RNF19B: variants seen among roughly 807,000 people sequenced by gnomAD.
The protein encoded by RNF19B is E3 ubiquitin-protein ligase RNF19B.
Under a neutral mutation model 65.5 loss-of-function variants are expected in RNF19B, and 23 were observed. The ratio of observed to expected loss-of-function variants is 0.35; its 90% CI spans 0.25 to 0.50. The LOEUF is 0.50. Ranked by LOEUF, RNF19B falls within the 20% of genes least tolerant of loss-of-function variation. The probability of loss-of-function intolerance (pLI) is 0.98; values close to 1 mark genes in which losing one functional copy is unlikely to be tolerated. For synonymous variants in RNF19B, 372 were observed against 379.6 expected, an observed-to-expected ratio of 0.98 and a Z score of 0.23; for missense variants, 794 against 980.0, an observed-to-expected ratio of 0.81 and a Z score of 2.53.
At position 32,948,371 on chromosome 1, in the gene RNF19B, G is replaced by C; in HGVS notation, c.842-8C>G. 2 of 1,610,854 alleles carry C rather than the reference G, an allele frequency of 1.2e-6. No homozygotes were observed. Among genetic ancestry groups the C allele is most frequent in the Non-Finnish European group, 1.7e-6 (2 of 1,177,768 alleles). The stretch of plus-strand genomic sequence containing the variant: ...GGCATGGCTTGATGTCATCTGCTAT[G>C]AGTGGGGGAAGAATGGGTAGAAAAA... On this transcript the variant is annotated splice_polypyrimidine_tract_variant and splice_region_variant and intron_variant, in intron 2 of 8. Transcript: ENST00000235150.
rs958139753 is a variant in RNF19B, at chr1:32,936,667, T to C, written c.*139A>G. Reference sequence around the variant, plus strand: ...GTAAGAAATTGTGAATTTCTCAGAATTTCCCTGGGCAAAAACCTGTGACCA... The same window carrying C: ...GTAAGAAATTGTGAATTTCTCAGAACTTCCCTGGGCAAAAACCTGTGACCA... On this transcript the variant is annotated 3_prime_UTR_variant, in exon 9 of 9. Transcript: ENST00000235150. The C allele has an allele frequency of 1.1e-6, 1 of 896,624 alleles. No homozygotes were observed. Among genetic ancestry groups the C allele is most frequent in the African/African-American group, 1.7e-5 (1 of 58,612 alleles). The allele number at this position is 896,624 out of a possible 1,614,324, so 55.5% of individuals were successfully genotyped here.
intron 1 of RNF19B, among the ~76,000 whole-genome samples, chr1:32,951,126 T>C (rs1203149067): frequency 3.9e-5 from 6 of 152,338 alleles, no homozygotes; most frequent in Non-Finnish European, 7.4e-5. Flanking sequence ...CGTGAGCCAC[T>C]GCACTCAGCC....
intron 2 of RNF19B, among the ~76,000 whole-genome samples, chr1:32,949,079 G>A (rs1479495905): frequency 1.3e-5 from 2 of 152,144 alleles, no homozygotes; most frequent in Admixed American, 6.5e-5. Flanking sequence ...CCTCTGACTC[G>A]CCAAGGTTGG....
At chr1:32,958,478 AGG>A (rs1642693678) in intron 1 of RNF19B, among the ~76,000 whole-genome samples, 2 of 152,178 alleles carry the variant, frequency 1.3e-5, no homozygotes, top group Non-Finnish European at 2.9e-5. Context: ...GCACTTTGGG[AGG>A]CTGAGATGGG....
At chr1:32,959,948 G>A (rs1432439821) in intron 1 of RNF19B, among the ~76,000 whole-genome samples, 3 of 151,854 alleles carry the variant, frequency 2.0e-5, no homozygotes, top group African/African-American at 7.3e-5. Context: ...CTACTCAGGA[G>A]GCTGAGGCAG....
Position 32,942,326 on chromosome 1 carries a change from C to T in RNF19B, c.1536G>A (p.Thr512=), listed in dbSNP as rs778802299. ...LSVMQGPYSE[T]ASFAALSGGT... ...CCCCTGAGAGGGCTGCAAAGCTGGC[C>T]GTTTCGCTGTAAGGACCTTGCATAA... Residue 512 remains threonine (T), a synonymous_variant, in exon 7 of 9, where the codon ACG becomes ACA. Coordinates refer to ENST00000235150, the MANE Select transcript of RNF19B (RefSeq NM_001300826.2). The T allele has an allele frequency of 8.7e-6, 14 of 1,614,156 alleles. No homozygotes were observed. The highest frequency in any genetic ancestry group is 3.3e-5 in the Admixed American group (2 of 60,014).
At position 32,949,642 on chromosome 1, in the gene RNF19B, T is replaced by A. The variant is rs750247261; in HGVS notation, c.768A>T (p.Gln256His). 73 of 1,613,880 alleles carry A rather than the reference T, an allele frequency of 4.5e-5. No individual in the cohort carries two copies. The Admixed American group carries it at 1.2e-3, about 27-fold the overall frequency. Residue 256 changes from glutamine to histidine, a missense_variant, in exon 2 of 9, where the codon CAA (glutamine) becomes CAT (histidine). This residue lies in a region of RNF19B where 374 missense variants were observed against 423.8 expected (regional missense o/e 0.88). Coordinates refer to ENST00000235150, the MANE Select transcript of RNF19B (RefSeq NM_001300826.2). Reference protein sequence around the residue: ...HPNQTCDMARQQRAQTLRVRT... With the variant: ...HPNQTCDMARHQRAQTLRVRT... ...GAACTCGTAAAGTCTGGGCCCTCTG[T>A]TGACGGGCCATATCGCATGTCTGAT...
chr1:32,964,224 T>G lies in RNF19B; in HGVS notation c.462A>C (p.Ile154=). ...DCLRHYLRLE[I]SESRVPISCP... ...AGCTGATGGGCACCCTGCTCTCGCT[T>G]ATCTCCAGGCGCAGGTAGTGGCGGA... is the stretch of plus-strand genomic sequence containing the variant. The change falls in exon 1 of 9, where the codon ATA becomes ATC. Residue 154 remains isoleucine, a synonymous_variant. Transcript: ENST00000235150. The surrounding 1 kb of genome is among the most constrained non-coding windows in gnomAD (Gnocchi z 6.5). 1 of 1,546,324 alleles carries G rather than the reference T, an allele frequency of 6.5e-7. No homozygotes were observed. Among genetic ancestry groups the G allele is most frequent in the Non-Finnish European group, 8.7e-7 (1 of 1,145,414 alleles).
chr1:32,958,060 C>G (rs1642682536), intron 1 of RNF19B, among the ~76,000 whole-genome samples: 1 of 152,162 alleles, frequency 6.6e-6, no homozygotes, highest in East Asian at 1.9e-4. Flanking sequence ...CATGAGCTCT[C>G]AATCTATTCA....
chr1:32,964,678 G>A lies in RNF19B; in HGVS notation c.8C>T (p.Ser3Phe). MG[S>F]EKDSESPRST... ...GCGCGGCGACTCGGAGTCCTTCTCG[G>A]AGCCCATGGCCGGCAGAGGCCGAGG... Residue 3 changes from serine (S) to phenylalanine (F), a missense_variant, in exon 1 of 9, where the codon TCC becomes TTC. Physicochemically the swap from Ser to Phe is radical, Grantham distance 155. Around this residue, in one of 3 missense-constraint regions of RNF19B, gnomAD observed 374 missense variants for 423.8 expected, o/e 0.88. Coordinates refer to ENST00000235150, the MANE Select transcript of RNF19B (RefSeq NM_001300826.2). The surrounding 1 kb of genome is among the most constrained non-coding windows in gnomAD (Gnocchi z 6.5). 3 of 1,467,160 alleles carry A rather than the reference G, an allele frequency of 2.0e-6. No individual in the cohort carries two copies. Among genetic ancestry groups the A allele is most frequent in the Non-Finnish European group, 2.7e-6 (3 of 1,113,378 alleles). The allele number at this position is 1,467,160 out of a possible 1,614,324, so 90.9% of individuals were successfully genotyped here.
downstream of RNF19B, among the ~76,000 whole-genome samples, chr1:32,933,411 C>T (rs148904789): frequency 3.0e-3 from 452 of 152,222 alleles, 1 homozygote; most frequent in African/African-American, 0.01. Flanking sequence ...CCCACCACTA[C>T]GCCCGGCTAA....
At position 32,964,419 on chromosome 1, in the gene RNF19B, C is replaced by T. The variant is rs1405689577; in HGVS notation, c.267G>A (p.Glu89=). ...CCGCCGCCGCCGCCGCGGCCTCCGC[C>T]TCGGCCTCGGCGGCCGGCTCGGCGG... ...ALPAEPAAEA[E]AEAAAAAAEP... The change falls in exon 1 of 9, where the codon GAG becomes GAA. Residue 89 remains glutamate (E), a synonymous_variant. Transcript: ENST00000235150. The surrounding 1 kb of genome is among the most constrained non-coding windows in gnomAD (Gnocchi z 6.5). The T allele has an allele frequency of 5.7e-6, 7 of 1,217,974 alleles. No individual in the cohort carries two copies. The African/African-American group carries it at 9.5e-5, about 17-fold the overall frequency. The allele number at this position is 1,217,974 out of a possible 1,614,324, so 75.4% of individuals were successfully genotyped here.
chr1:32,952,516 G>C (rs776364841), intron 1 of RNF19B, among the ~76,000 whole-genome samples: 128 of 150,870 alleles, frequency 8.5e-4, no homozygotes, highest in Non-Finnish European at 1.5e-3. Context: ...ACTGAGGCAG[G>C]CAAGTCACAA....
At chr1:32,929,439 C>T in the RNF19B span, among the ~76,000 whole-genome samples, 1 of 152,134 alleles carries the variant, frequency 6.6e-6, no homozygotes, top group African/African-American at 2.4e-5. Flanking sequence ...CAATTCGACC[C>T]ATAACACCAT....
intron 6 of RNF19B, 104 bp from the exon 7 acceptor site, chr1:32,942,563 T>C: frequency 3.3e-6 from 3 of 909,364 alleles, no homozygotes; most frequent in Non-Finnish European, 5.1e-6. Context: ...ATTTACTTAA[T>C]GAACAGGTAC....
At chr1:32,941,040 G>C (rs1358487979) in intron 7 of RNF19B, among the ~76,000 whole-genome samples, 1 of 151,906 alleles carries the variant, frequency 6.6e-6, no homozygotes, top group Non-Finnish European at 1.5e-5. Context: ...CTGGGTAACC[G>C]AGCAAGACCC....
intron 6 of RNF19B, 81 bp from the exon 7 acceptor site, chr1:32,942,540 A>G (rs1642262018): frequency 8.5e-7 from 1 of 1,177,194 alleles, no homozygotes; most frequent in Non-Finnish European, 1.2e-6. Flanking sequence ...ATGACTTTTC[A>G]GAGAACTAAT....
chr1:32,934,928 G>C (rs1182067681), downstream of RNF19B, among the ~76,000 whole-genome samples: 2 of 152,012 alleles, frequency 1.3e-5, no homozygotes, highest in East Asian at 3.9e-4. Flanking sequence ...CGCCTCCCGA[G>C]TTCAAGTGAT....
chr1:32,952,184 A>G (rs194648), intron 1 of RNF19B, among the ~76,000 whole-genome samples: 27,958 of 151,882 alleles, frequency 0.18, 3,140 homozygotes, highest in East Asian at 0.25. Flanking sequence ...TTTACCAAGA[A>G]TTAGTCTCAC....
Sources: gnomAD v4.1 joint callset for allele counts (sites outside exome capture counted in the v4.1 genomes callset) on GRCh38, gnomAD v4.1.1 for gene constraint, gnomAD v4.1.1 regional missense constraint, Gnocchi (gnomAD v3.1) non-coding constraint, MANE v1.5 for transcripts, NCBI Gene and HGNC (gene_info 2026-07-23, HGNC 2026-07-21) for gene names.